The following ATP8B4 variants were observed in gnomAD, a reference collection of about 807,000 sequenced individuals.
ATP8B4 encodes probable phospholipid-transporting ATPase IM.
ATP8B4 carries 133 observed loss-of-function variants against 145.6 expected under a neutral mutation model. The ratio of observed to expected loss-of-function variants is 0.91; its 90% confidence interval spans 0.79 to 1.05. The LOEUF is 1.05. ATP8B4 is among the 50% of genes least tolerant of loss of function. The pLI, the probability that ATP8B4 is intolerant of heterozygous loss-of-function variation, is 0.00. For synonymous variants in ATP8B4, 507 were observed against 492.9 expected (o/e 1.03, Z -0.38); for missense variants, 1,458 against 1,425.2 (o/e 1.02, Z -0.37).
chr15:49,892,290 T>C (rs983125997), intron 23 of ATP8B4, among the ~76,000 whole-genome samples: 7 of 152,262 alleles, frequency 4.6e-5, no homozygotes, highest in Admixed American at 4.6e-4. Context: ...AGAATACGAT[T>C]GTAGTAGTAT....
chr15:49,959,390 G>C (rs2043863813), intron 14 of ATP8B4, among the ~76,000 whole-genome samples: 1 of 151,676 alleles, frequency 6.6e-6, no homozygotes, highest in Non-Finnish European at 1.5e-5. Context: ...AATACTAGAA[G>C]CATATGCACT....
At chr15:50,072,043 TATTA>T (rs558458594) in intron 3 of ATP8B4, among the ~76,000 whole-genome samples, 1,519 of 150,842 alleles carry the variant, frequency 0.01, 20 homozygotes, top group Non-Finnish European at 0.016. Flanking sequence ...TAAATATTAA[TATTA>T]ATTAATTAAT....
intron 1 of ATP8B4, among the ~76,000 whole-genome samples, chr15:50,127,383 T>C (rs1449020283): frequency 6.6e-6 from 1 of 152,224 alleles, no homozygotes; most frequent in East Asian, 1.9e-4. Context: ...TCAGTAACAA[T>C]GGCCTTCCTC....
chr15:50,004,902 T>C (rs1194062109), intron 7 of ATP8B4, among the ~76,000 whole-genome samples: 1 of 152,152 alleles, frequency 6.6e-6, no homozygotes, highest in Non-Finnish European at 1.5e-5. Context: ...AACAAAGTGC[T>C]ATGAAAGGAG....
intron 2 of ATP8B4, among the ~76,000 whole-genome samples, chr15:50,084,182 T>A (rs1218765408): frequency 6.6e-6 from 1 of 152,116 alleles, no homozygotes; most frequent in Admixed American, 6.5e-5. Context: ...GTCTGCCATC[T>A]AAGACGGGGT....
chr15:49,910,815 A>G (rs139675545), intron 20 of ATP8B4, among the ~76,000 whole-genome samples: 19 of 152,298 alleles, frequency 1.2e-4, no homozygotes, highest in African/African-American at 3.6e-4. Flanking sequence ...AAATAAAATT[A>G]CCCTCTTTGG....
intron 1 of ATP8B4, among the ~76,000 whole-genome samples, chr15:50,181,126 C>A (rs1005783577): frequency 1.3e-5 from 2 of 152,202 alleles, no homozygotes; most frequent in East Asian, 1.9e-4. Flanking sequence ...TAAAATAACT[C>A]AGGCTCCCAA....
chr15:49,981,576 G>C (rs1378093619), intron 10 of ATP8B4, among the ~76,000 whole-genome samples: 1 of 152,030 alleles, frequency 6.6e-6, no homozygotes, highest in Non-Finnish European at 1.5e-5. Flanking sequence ...GTCTATACAT[G>C]AATATGCTTC....
chr15:49,986,618 A>T (rs1396079444), intron 10 of ATP8B4, among the ~76,000 whole-genome samples: 1 of 152,222 alleles, frequency 6.6e-6, no homozygotes, highest in African/African-American at 2.4e-5. Context: ...GTCAGTTAAG[A>T]AAAACATTCC....
In ATP8B4 at chr15:49,879,498, C is replaced by T. The variant is rs2035044626; in HGVS notation, c.2698-39G>A. 3 of 1,507,168 alleles carry T rather than the reference C, an allele frequency of 2.0e-6. No homozygotes were observed. In the African/African-American group the frequency reaches 4.2e-5, roughly 21 times the overall value. The allele number at this position is 1,507,168 out of a possible 1,614,324, so 93.4% of individuals were successfully genotyped here. A position where few individuals can be genotyped will look rare whatever the true frequency, so the allele number is the denominator to read the frequency against. ...TAACATATAAGTGAGAAACATCATC[C>T]ATAGTAGTGAGAATATTCACATTTA... is the stretch of plus-strand genomic sequence containing the variant. On this transcript the variant is annotated intron_variant, in intron 23 of 27. Coordinates refer to ENST00000284509, the MANE Select transcript of ATP8B4 (RefSeq NM_024837.4).
chr15:50,145,092 C>T (rs1239911039), intron 1 of ATP8B4, among the ~76,000 whole-genome samples: 1 of 152,212 alleles, frequency 6.6e-6, no homozygotes, highest in African/African-American at 2.4e-5. Context: ...ATATGTACCA[C>T]ATCCTAATCT....
At chr15:49,936,733 T>G (rs1348640908) in intron 14 of ATP8B4, among the ~76,000 whole-genome samples, 1 of 151,134 alleles carries the variant, frequency 6.6e-6, no homozygotes, top group Admixed American at 6.6e-5. Context: ...ATTTTTTGGT[T>G]GTTTGTTTGT....
chr15:50,112,448 C>G lies in ATP8B4; in HGVS notation c.-42-5440G>C, dbSNP rs539882588. Among the ~76,000 whole-genome samples, 3 of 152,166 alleles carry G rather than the reference C, an allele frequency of 2.0e-5. No homozygotes were observed. In the South Asian group the frequency reaches 6.2e-4, roughly 32 times the overall value. On this transcript the variant is annotated intron_variant, in intron 1 of 27. Coordinates refer to ENST00000284509, the MANE Select transcript of ATP8B4 (RefSeq NM_024837.4). ...AAAAAGCAGGCCAAGGAGGAAGGGA[C>G]CCAATATGGAACATGCCCAAGCCCA... is the stretch of plus-strand genomic sequence containing the variant.
chr15:50,008,092 T>C (rs1180017965), intron 7 of ATP8B4, among the ~76,000 whole-genome samples: 1 of 152,178 alleles, frequency 6.6e-6, no homozygotes, highest in African/African-American at 2.4e-5. Context: ...GACAAACTCA[T>C]TGAGCCACAG....
intron 6 of ATP8B4, among the ~76,000 whole-genome samples, chr15:50,034,505 G>A (rs1160524139): frequency 6.6e-6 from 1 of 151,926 alleles, no homozygotes. Context: ...CTGGGTTTAT[G>A]GGCATGAGCC....
intron 13 of ATP8B4, among the ~76,000 whole-genome samples, chr15:49,962,504 C>T (rs534464662): frequency 2.0e-5 from 3 of 152,274 alleles, no homozygotes; most frequent in East Asian, 3.9e-4. Flanking sequence ...GTACTTTCTG[C>T]AGTCAGAAAA....
intron 14 of ATP8B4, among the ~76,000 whole-genome samples, chr15:49,956,188 G>A (rs1395487899): frequency 1.3e-5 from 2 of 152,010 alleles, no homozygotes; most frequent in Non-Finnish European, 2.9e-5. Context: ...AACATTTGAT[G>A]GGAAATAAGT....
intron 1 of ATP8B4, among the ~76,000 whole-genome samples, chr15:50,149,559 C>A (rs2044321239): frequency 6.6e-6 from 1 of 151,840 alleles, no homozygotes; most frequent in South Asian, 2.1e-4. Context: ...GAAATAACCA[C>A]AATAATAATA....
rs4386085 is a variant in ATP8B4 at position 50,020,604 on chromosome 15, C to T, written c.363-9687G>A. Among the ~76,000 whole-genome samples the T allele has an allele frequency of 1.8e-3, 269 of 152,208 alleles. 1 individual carries two copies. The highest frequency in any genetic ancestry group is 6.3e-3 in the African/African-American group (263 of 41,534). ...TAAGCTTCAGTAATGCATTCCTCTACAGAATGACTAATATCTTGATAGAAT... is the reference window on the plus strand; with the variant it reads ...TAAGCTTCAGTAATGCATTCCTCTATAGAATGACTAATATCTTGATAGAAT... On this transcript the variant is annotated intron_variant, in intron 6 of 27. Coordinates refer to ENST00000284509, the MANE Select transcript of ATP8B4 (RefSeq NM_024837.4).
Sources: gnomAD v4.1 joint callset for allele counts (sites outside exome capture counted in the v4.1 genomes callset) on GRCh38, gnomAD v4.1.1 for gene constraint, MANE v1.5 for transcripts, NCBI Gene and HGNC (gene_info 2026-07-23, HGNC 2026-07-21) for gene names.